THSD7B: variants seen among roughly 807,000 people sequenced by gnomAD.
THSD7B encodes thrombospondin type-1 domain-containing protein 7B.
A neutral mutation model predicts 213.6 loss-of-function variants in THSD7B; 138 were observed. The observed-to-expected ratio is 0.65, with a 90% CI of 0.56 to 0.74. The LOEUF is 0.74. Among genes scored for constraint, THSD7B ranks in the 30% least tolerant of loss-of-function variants. THSD7B has a pLI of 0.00. For synonymous variants in THSD7B, 742 were observed against 687.0 expected (o/e 1.08, Z -1.25); for missense variants, 1,931 against 1,991.5 (o/e 0.97, Z 0.58).
intron 1 of THSD7B, among the ~76,000 whole-genome samples, chr2:136,787,311 C>T (rs1017841668): frequency 1.3e-5 from 2 of 151,394 alleles, no homozygotes; most frequent in East Asian, 1.9e-4. Context: ...GATTAAGTAC[C>T]CAAGTTTTAT....
intron 3 of THSD7B, among the ~76,000 whole-genome samples, chr2:137,060,139 C>T (rs1687244535): frequency 6.6e-6 from 1 of 152,072 alleles, no homozygotes; most frequent in Non-Finnish European, 1.5e-5. Flanking sequence ...TCTTTTCATA[C>T]ACTTGCTTGC....
At chr2:137,505,301 A>G (rs1679808781) in intron 15 of THSD7B, among the ~76,000 whole-genome samples, 2 of 152,220 alleles carry the variant, frequency 1.3e-5, no homozygotes, top group South Asian at 4.1e-4. Context: ...TTTTGTTCAA[A>G]TGCACATTCT....
At chr2:137,086,317 A>G (rs1687840995) in intron 3 of THSD7B, among the ~76,000 whole-genome samples, 1 of 152,146 alleles carries the variant, frequency 6.6e-6, no homozygotes, top group African/African-American at 2.4e-5. Flanking sequence ...AGCCTGGGCA[A>G]CAGAGCAAGA....
At chr2:137,539,351 C>T (rs1463629710) in intron 15 of THSD7B, among the ~76,000 whole-genome samples, 1 of 151,556 alleles carries the variant, frequency 6.6e-6, no homozygotes, top group African/African-American at 2.4e-5. Context: ...GTTTGGATCT[C>T]ATACACTGGG....
chr2:137,640,925 T>C (rs2104861001), intron 20 of THSD7B, among the ~76,000 whole-genome samples: 1 of 152,326 alleles, frequency 6.6e-6, no homozygotes, highest in East Asian at 1.9e-4. Flanking sequence ...CACCCTAGTT[T>C]TCTTCAAGGA....
At chr2:137,674,933 AT>A (rs1318538581) in intron 27 of THSD7B, among the ~76,000 whole-genome samples, 2 of 152,216 alleles carry the variant, frequency 1.3e-5, no homozygotes, top group Non-Finnish European at 2.9e-5. Context: ...AATCAAAAAA[AT>A]AATTTTACTC....
intron 5 of THSD7B, among the ~76,000 whole-genome samples, chr2:137,126,840 G>A (rs1196591028): frequency 6.6e-6 from 1 of 152,046 alleles, no homozygotes; most frequent in Non-Finnish European, 1.5e-5. Flanking sequence ...TAGAAGTCAT[G>A]GTAGGGTTAT....
intron 15 of THSD7B, among the ~76,000 whole-genome samples, chr2:137,458,963 T>C (rs747821819): frequency 5.4e-5 from 5 of 93,394 alleles, no homozygotes; most frequent in Non-Finnish European, 1.3e-4. Context: ...TTCAAACTGA[T>C]ATCTTATCTT....
chr2:137,481,490 T>C (rs1443676697), intron 15 of THSD7B, among the ~76,000 whole-genome samples: 1 of 152,176 alleles, frequency 6.6e-6, no homozygotes, highest in Non-Finnish European at 1.5e-5. Flanking sequence ...TGATGTTAAA[T>C]AAAAAGTAAC....
At chr2:137,339,627 C>G (rs1684713422) in intron 12 of THSD7B, among the ~76,000 whole-genome samples, 1 of 151,584 alleles carries the variant, frequency 6.6e-6, no homozygotes, top group Non-Finnish European at 1.5e-5. Context: ...AAGAAAAGTG[C>G]TTTGACGTAA....
At chr2:137,624,538 C>T (rs1193797897) in intron 20 of THSD7B, among the ~76,000 whole-genome samples, 1 of 152,142 alleles carries the variant, frequency 6.6e-6, no homozygotes, top group East Asian at 1.9e-4. Flanking sequence ...GAACAGGCAA[C>T]CTACAGAATG....
At chr2:137,522,284 G>A (rs1680200086) in intron 15 of THSD7B, among the ~76,000 whole-genome samples, 1 of 152,184 alleles carries the variant, frequency 6.6e-6, no homozygotes, top group African/African-American at 2.4e-5. Flanking sequence ...ATGGCATCAA[G>A]CTGTAAAAGA....
chr2:137,615,731 T>TA lies in THSD7B; in HGVS notation c.3424-438dup, dbSNP rs1375795454. Reference sequence around the variant, plus strand: ...TTCTATATCTCTGTGTTCTAGTGTTTAAAAAATGATTTTCTCATGAAAATT... The same window carrying TA: ...TTCTATATCTCTGTGTTCTAGTGTTTAAAAAAATGATTTTCTCATGAAAATT... On this transcript the variant is annotated intron_variant, in intron 17 of 27. Transcript: ENST00000409968. Among the ~76,000 whole-genome samples the TA allele has an allele frequency of 2.0e-5, 3 of 152,328 alleles. No individual in the cohort carries two copies. In the East Asian group the frequency reaches 5.8e-4, roughly 29 times the overall value.
At chr2:137,404,339 A>C (rs569710293) in intron 12 of THSD7B, among the ~76,000 whole-genome samples, 1 of 150,258 alleles carries the variant, frequency 6.7e-6, no homozygotes, top group Admixed American at 6.6e-5. Context: ...ATACTTGCAC[A>C]TGCATGTTTA....
intron 15 of THSD7B, among the ~76,000 whole-genome samples, chr2:137,521,331 G>C (rs983462374): frequency 6.6e-6 from 1 of 152,100 alleles, no homozygotes; most frequent in Non-Finnish European, 1.5e-5. Flanking sequence ...TAGTGGGGAG[G>C]GGGGGCTGTG....
At chr2:137,493,481 C>T (rs1679481429) in intron 15 of THSD7B, among the ~76,000 whole-genome samples, 1 of 152,176 alleles carries the variant, frequency 6.6e-6, no homozygotes, top group East Asian at 1.9e-4. Flanking sequence ...CTACTCCCTG[C>T]CTGCACTTCT....
intron 20 of THSD7B, among the ~76,000 whole-genome samples, chr2:137,631,909 G>A (rs1215384659): frequency 6.6e-6 from 1 of 152,150 alleles, no homozygotes; most frequent in Non-Finnish European, 1.5e-5. Flanking sequence ...ATGTTAGAGG[G>A]ATTACTTTTT....
rs1464860945 is a variant in THSD7B at position 137,104,345 on chromosome 2, C to T, written c.1199+9224C>T. Reference sequence around the variant, plus strand: ...TCTTTGAAACTAGTGAGAACAAAGACACAACATACCAGAATCTCTGGGACA... The same window carrying T: ...TCTTTGAAACTAGTGAGAACAAAGATACAACATACCAGAATCTCTGGGACA... On this transcript the variant is annotated intron_variant, in intron 4 of 27. Transcript: ENST00000409968. 3.9e-5 allele frequency among the ~76,000 whole-genome samples: 6 copies of T among 152,090 alleles called. 1 individual carries two copies. Among genetic ancestry groups the T allele is most frequent in the Non-Finnish European group, 1.5e-5 (1 of 68,006 alleles).
At chr2:137,247,377 T>C (rs932352510) in intron 10 of THSD7B, among the ~76,000 whole-genome samples, 14 of 152,210 alleles carry the variant, frequency 9.2e-5, no homozygotes, top group Admixed American at 5.9e-4. Flanking sequence ...ATTCTTATTT[T>C]GTCTATACAT....
Sources: allele counts gnomAD v4.1 joint callset (sites outside exome capture counted in the v4.1 genomes callset), GRCh38; gene constraint gnomAD v4.1.1; transcripts MANE v1.5; gene names NCBI Gene and HGNC (gene_info 2026-07-23, HGNC 2026-07-21).